PADI2: variants seen among roughly 807,000 people sequenced by gnomAD.
PADI2 encodes the protein protein-arginine deiminase type-2.
PADI2 carries 70 observed loss-of-function variants against 81.1 expected under a neutral mutation model. The ratio of observed to expected loss-of-function variants is 0.86; its 90% confidence interval spans 0.71 to 1.05. PADI2 has a LOEUF of 1.05. Ranked by LOEUF, PADI2 falls within the 50% of genes least tolerant of loss-of-function variation. The pLI, the probability that PADI2 is intolerant of heterozygous loss-of-function variation, is 0.00. For missense variants in PADI2, 853 were observed against 889.9 expected, an observed-to-expected ratio of 0.96 and a Z score of 0.53; for synonymous variants, 338 against 358.0, an observed-to-expected ratio of 0.94 and a Z score of 0.63.
At chr1:17,074,710 G>A (rs867648901) in intron 13 of PADI2, 146 bp downstream of exon 13, 141 of 584,104 alleles carry the variant, frequency 2.4e-4, no homozygotes, top group Non-Finnish European at 1.9e-4. Flanking sequence ...CCAGCATGGC[G>A]ACCTCACAAA....
At chr1:17,088,260 T>C (rs2101588885) in intron 6 of PADI2, among the ~76,000 whole-genome samples, 1 of 152,252 alleles carries the variant, frequency 6.6e-6, no homozygotes. Context: ...GGTAAAGGCA[T>C]GGAGGTAGGA....
intron 3 of PADI2, among the ~76,000 whole-genome samples, chr1:17,098,138 G>T (rs2235916): frequency 6.6e-6 from 1 of 151,368 alleles, no homozygotes; most frequent in Admixed American, 6.6e-5. Flanking sequence ...GCAGGGCCTC[G>T]GACTCCGGCT....
At chr1:17,103,175 C>T in intron 2 of PADI2, 116 bp from the exon 3 acceptor site, 1 of 738,302 alleles carries the variant, frequency 1.4e-6, no homozygotes, top group Non-Finnish European at 2.4e-6. Context: ...CCAACCCTCT[C>T]CAAACATCAG....
chr1:17,109,187 C>A (rs1031871161), intron 1 of PADI2, among the ~76,000 whole-genome samples: 1 of 151,894 alleles, frequency 6.6e-6, no homozygotes, highest in Non-Finnish European at 1.5e-5. Context: ...AAGTTCAAGA[C>A]CAGCCTGGCC....
chr1:17,102,474 T>A (rs1006070944), intron 3 of PADI2, among the ~76,000 whole-genome samples: 2 of 152,036 alleles, frequency 1.3e-5, no homozygotes, highest in Non-Finnish European at 2.9e-5. Context: ...TTCCCTAACC[T>A]CTCTGGGCCT....
At chr1:17,109,388 TTAA>T (rs1252398311) in intron 1 of PADI2, among the ~76,000 whole-genome samples, 1 of 37,938 alleles carries the variant, frequency 2.6e-5, no homozygotes, top group African/African-American at 1.4e-4. Flanking sequence ...ACTCTGTCTA[TTAA>T]AAAAAAAAAA....
In PADI2 at chr1:17,092,440, T is replaced by C; in HGVS notation, c.623A>G (p.Asp208Gly). The change falls in exon 6 of 16, where the codon GAC becomes GGC. Residue 208 changes from aspartate to glycine, a missense_variant. By Grantham distance (94) the Asp-to-Gly change is moderately conservative. Transcript: ENST00000375486. ...GTAGAACACGCCCACTTTGTCTGAG[T>C]CTGACATGGAAATGTACAGAACTAT... ...YEIVLYISMS[D>G]SDKVGVFYVE... 11 of 1,606,388 alleles carry C rather than the reference T, an allele frequency of 6.8e-6. No homozygotes were observed. The highest frequency in any genetic ancestry group is 9.3e-6 in the Non-Finnish European group (11 of 1,177,046).
intron 1 of PADI2, among the ~76,000 whole-genome samples, chr1:17,111,256 T>G (rs1054626789): frequency 8.6e-5 from 13 of 151,750 alleles, no homozygotes; most frequent in African/African-American, 3.1e-4. Flanking sequence ...CCTGGCTATT[T>G]TTAATTTTTG....
chr1:17,099,504 T>G (rs1001658488), intron 3 of PADI2, among the ~76,000 whole-genome samples: 1 of 152,138 alleles, frequency 6.6e-6, no homozygotes, highest in African/African-American at 2.4e-5. Context: ...CTCAAACCCC[T>G]TATTTTATAG....
chr1:17,086,281 T>A (rs1005579747), intron 7 of PADI2, among the ~76,000 whole-genome samples: 7 of 152,138 alleles, frequency 4.6e-5, no homozygotes, highest in Admixed American at 2.6e-4. Flanking sequence ...TCAGGAAACA[T>A]TGCCCACAGG....
At position 17,116,021 on chromosome 1, in the gene PADI2, CAT is replaced by C. The variant is rs376586395; in HGVS notation, c.92+3257_92+3258del. 6.0e-3 allele frequency among the ~76,000 whole-genome samples: 916 copies of C among 152,334 alleles called. 6 individuals carry two copies. Among genetic ancestry groups the C allele is most frequent in the Middle Eastern group, 0.027 (8 of 294 alleles). On this transcript the variant is annotated intron_variant, in intron 1 of 15. Transcript: ENST00000375486. Reference sequence around the variant, plus strand: ...GCCCATGGTGGCCTGGATGACCCCTCATAGGGCAGCATAGTGGTCAATTGTTC... The same window carrying C: ...GCCCATGGTGGCCTGGATGACCCCTCAGGGCAGCATAGTGGTCAATTGTTC...
intron 12 of PADI2, 153 bp downstream of exon 12, chr1:17,075,526 T>A: frequency 1.6e-6 from 1 of 642,802 alleles, no homozygotes; most frequent in South Asian, 2.6e-5. Context: ...AAATTTTACC[T>A]GCCACAGCAA....
At chr1:17,096,191 C>T (rs1570994920) in intron 3 of PADI2, among the ~76,000 whole-genome samples, 1 of 152,224 alleles carries the variant, frequency 6.6e-6, no homozygotes, top group South Asian at 2.1e-4. Flanking sequence ...CTTACGGCTG[C>T]AAGAGCTGCC....
intron 14 of PADI2, among the ~76,000 whole-genome samples, chr1:17,070,808 C>A (rs2078260039): frequency 6.6e-6 from 1 of 152,014 alleles, no homozygotes; most frequent in African/African-American, 2.4e-5. Flanking sequence ...ATTATAGGCG[C>A]CTGCCACCAC....
intron 4 of PADI2, among the ~76,000 whole-genome samples, chr1:17,093,919 C>T (rs1930805737): frequency 6.6e-6 from 1 of 152,134 alleles, no homozygotes; most frequent in Admixed American, 6.5e-5. Flanking sequence ...CATTTATGGG[C>T]CTCCTGTCTG....
rs1360176094 is a variant in PADI2, at chr1:17,093,684, C to A, written c.412G>T (p.Ala138Ser). The change falls in exon 5 of 16, where the codon GCA becomes TCA. Residue 138 changes from alanine to serine, a missense_variant and splice_region_variant. By Grantham distance (99) the Ala-to-Ser change is moderately conservative. Coordinates refer to ENST00000375486, the MANE Select transcript of PADI2 (RefSeq NM_007365.3). ...GVVEKNNPKK[A>S]SWTWGPEGQG... ...CCCTCGGGGCCCCAGGTCCAGGATG[C>A]CTACAGTGGCAGGAAGAAAGGTCAG... The A allele has an allele frequency of 1.3e-6, 2 of 1,585,638 alleles. No homozygotes were observed. The highest frequency in any genetic ancestry group is 1.7e-6 in the Non-Finnish European group (2 of 1,154,240).
chr1:17,068,823 C>G lies in PADI2; in HGVS notation c.*221G>C. 1 of 584,192 alleles carries G rather than the reference C, an allele frequency of 1.7e-6. No homozygotes were observed. Among genetic ancestry groups the G allele is most frequent in the Non-Finnish European group, 3.1e-6 (1 of 327,084 alleles). The allele number at this position is 584,192 out of a possible 1,614,324, so 36.2% of individuals were successfully genotyped here. ...CAGGGCTACAGAGACACTGGCCCAG[C>G]TATTTTCAGCAGGGACAGAGTCGAG... On this transcript the variant is annotated 3_prime_UTR_variant, in exon 16 of 16. Transcript: ENST00000375486.
intron 3 of PADI2, among the ~76,000 whole-genome samples, chr1:17,100,973 T>C (rs1192894638): frequency 1.3e-5 from 2 of 152,174 alleles, no homozygotes; most frequent in Non-Finnish European, 2.9e-5. Context: ...AATTGTTTTA[T>C]TGATGTATTT....
At position 17,067,575 on chromosome 1, in the gene PADI2, A is replaced by G. The variant is rs1004560191; in HGVS notation, c.*1469T>C. The G allele has an allele frequency of 6.6e-6, 1 of 152,292 alleles. No individual in the cohort carries two copies. Among genetic ancestry groups the G allele is most frequent in the Non-Finnish European group, 1.5e-5 (1 of 68,094 alleles). The allele number at this position is 152,292 out of a possible 1,614,324, so 9.4% of individuals were successfully genotyped here. On this transcript the variant is annotated 3_prime_UTR_variant, in exon 16 of 16. Coordinates refer to ENST00000375486, the MANE Select transcript of PADI2 (RefSeq NM_007365.3). ...GACTGGCATTTCTAAAGAGCGCATC[A>G]CTGAAGGGGCAGAGGCTGGCCTTTA...
Sources: allele counts gnomAD v4.1 joint callset (sites outside exome capture counted in the v4.1 genomes callset), GRCh38; gene constraint gnomAD v4.1.1; transcripts MANE v1.5; gene names NCBI Gene and HGNC (gene_info 2026-07-23, HGNC 2026-07-21).